The following CCSER2 variants were observed in gnomAD, a reference collection of about 807,000 sequenced individuals.
CCSER2 encodes the protein serine-rich coiled-coil domain-containing protein 2.
A neutral mutation model predicts 92.3 loss-of-function variants in CCSER2; 46 were observed. The ratio of observed to expected loss-of-function variants is 0.50; its 90% CI spans 0.39 to 0.64. The LOEUF is 0.64. Among genes scored for constraint, CCSER2 ranks in the 30% least tolerant of loss-of-function variants. The pLI is 0.00. For missense variants in CCSER2, 1,244 were observed against 1,238.9 expected, an observed-to-expected ratio of 1.00 and a Z score of -0.06; for synonymous variants, 433 against 431.4, an observed-to-expected ratio of 1.00 and a Z score of -0.04.
chr10:84,508,770 A>G (rs1849198569), intron 9 of CCSER2, among the ~76,000 whole-genome samples: 1 of 152,178 alleles, frequency 6.6e-6, no homozygotes. Flanking sequence ...GTTTATTATT[A>G]TATTGCTAAA....
In CCSER2 at chr10:84,418,960, G is replaced by A. The variant is rs143161279; in HGVS notation, c.1705+1099G>A. On this transcript the variant is annotated intron_variant, in intron 4 of 9. Coordinates refer to ENST00000372088, the MANE Select transcript of CCSER2 (RefSeq NM_001284240.2). ...TTCTCACGACAGCAGAAATGCAACA[G>A]GATGAGCAGAAACATGCATATTATG... is the stretch of plus-strand genomic sequence containing the variant. Among the ~76,000 whole-genome samples, 936 of 152,262 alleles carry A rather than the reference G, an allele frequency of 6.1e-3. 6 individuals carry two copies. The highest frequency in any genetic ancestry group is 0.021 in the African/African-American group (856 of 41,542).
At chr10:84,369,610 G>T (rs534713319) in intron 1 of CCSER2, among the ~76,000 whole-genome samples, 1 of 151,912 alleles carries the variant, frequency 6.6e-6, no homozygotes, top group African/African-American at 2.4e-5. Flanking sequence ...CCATTCTGTG[G>T]GTTGTCTGTT....
rs139434925 is a variant in CCSER2, at chr10:84,449,529, G to A, written c.2064+10822G>A. ...TAATAGCTCTTACTTCAGGACTGTT[G>A]TGAAGAATGCATGAGGCAATTCCCA... is the stretch of plus-strand genomic sequence containing the variant. On this transcript the variant is annotated intron_variant, in intron 6 of 9. Transcript: ENST00000372088. 2.6e-4 allele frequency among the ~76,000 whole-genome samples: 39 copies of A among 152,252 alleles called. 1 individual carries two copies. In the East Asian group the frequency reaches 6.4e-3, roughly 25 times the overall value.
chr10:84,338,487 G>A (rs1384770018), intron 1 of CCSER2, among the ~76,000 whole-genome samples: 1 of 151,464 alleles, frequency 6.6e-6, no homozygotes, highest in Admixed American at 6.6e-5. Flanking sequence ...TTTCAACAGA[G>A]AAAAAAAATG....
intron 9 of CCSER2, among the ~76,000 whole-genome samples, chr10:84,492,425 C>A (rs1480219197): frequency 2.0e-5 from 3 of 152,112 alleles, no homozygotes; most frequent in African/African-American, 7.2e-5. Context: ...TAAATAGTAA[C>A]AGTGTTCTCA....
intron 3 of CCSER2, among the ~76,000 whole-genome samples, chr10:84,403,605 A>G (rs1022537242): frequency 1.3e-5 from 2 of 152,186 alleles, no homozygotes; most frequent in Non-Finnish European, 2.9e-5. Flanking sequence ...CAGCAATTTA[A>G]TTAGAAAAGG....
intron 1 of CCSER2, among the ~76,000 whole-genome samples, chr10:84,368,565 G>C (rs1273711483): frequency 6.6e-6 from 1 of 151,976 alleles, no homozygotes; most frequent in East Asian, 1.9e-4. Context: ...CTTGGAATCA[G>C]TTGTTTTAAA....
chr10:84,491,598 A>G (rs553772063), intron 9 of CCSER2, among the ~76,000 whole-genome samples: 5 of 152,248 alleles, frequency 3.3e-5, no homozygotes, highest in East Asian at 3.9e-4. Flanking sequence ...AAAGTGCAGT[A>G]TTAGAGTGGG....
intron 7 of CCSER2, among the ~76,000 whole-genome samples, chr10:84,467,751 G>A (rs1208947977): frequency 2.0e-5 from 3 of 152,032 alleles, no homozygotes; most frequent in South Asian, 2.1e-4. Context: ...TGTTGGCGCA[G>A]CTATTCACCA....
intron 7 of CCSER2, among the ~76,000 whole-genome samples, chr10:84,465,279 G>C (rs1198045997): frequency 3.3e-5 from 3 of 92,252 alleles, no homozygotes; most frequent in South Asian, 6.0e-4. Context: ...GTGTGTGTGT[G>C]TGTGTGTGTG....
chr10:84,389,751 A>G (rs536373392), intron 3 of CCSER2: 3 of 153,918 alleles, frequency 1.9e-5, no homozygotes, highest in African/African-American at 7.2e-5. Context: ...CCGTGTTAGA[A>G]TCACACGTTG....
chr10:84,408,319 C>T (rs942205457), intron 3 of CCSER2, among the ~76,000 whole-genome samples: 2 of 151,954 alleles, frequency 1.3e-5, no homozygotes, highest in Non-Finnish European at 2.9e-5. Flanking sequence ...TTTTCTTCTC[C>T]CCCATTTTAC....
intron 3 of CCSER2, among the ~76,000 whole-genome samples, chr10:84,409,303 TAA>T (rs112262365): frequency 5.3e-5 from 8 of 150,684 alleles, no homozygotes; most frequent in Non-Finnish European, 8.9e-5. Flanking sequence ...TTTATTTATT[TAA>T]AAAAATTTTT....
intron 3 of CCSER2, chr10:84,389,312 C>T (rs2133250694): frequency 3.8e-6 from 2 of 522,844 alleles, no homozygotes; most frequent in South Asian, 2.8e-5. Context: ...AGATCAGTGC[C>T]ACATCTGTCG....
chr10:84,424,311 G>A (rs1589624576), intron 4 of CCSER2, among the ~76,000 whole-genome samples: 1 of 147,238 alleles, frequency 6.8e-6, no homozygotes, highest in Admixed American at 6.8e-5. Context: ...GTTTATTCCT[G>A]TAAGATGACA....
intron 3 of CCSER2, among the ~76,000 whole-genome samples, chr10:84,375,395 G>C (rs1846273155): frequency 6.6e-6 from 1 of 152,154 alleles, no homozygotes; most frequent in South Asian, 2.1e-4. Flanking sequence ...AGAAAGAATA[G>C]AGAGTTGATG....
chr10:84,440,822 G>A (rs1020870481), intron 6 of CCSER2, among the ~76,000 whole-genome samples: 1 of 152,144 alleles, frequency 6.6e-6, no homozygotes, highest in Non-Finnish European at 1.5e-5. Context: ...AAATAGTTTC[G>A]TTGTAATAGA....
At chr10:84,347,746 G>A (rs1284163473) in intron 1 of CCSER2, among the ~76,000 whole-genome samples, 95 of 151,868 alleles carry the variant, frequency 6.3e-4, no homozygotes, top group African/African-American at 2.2e-3. Context: ...CAGACGGGGC[G>A]GCTGCCGGGC....
At chr10:84,334,774 G>A (rs909098945) in intron 1 of CCSER2, among the ~76,000 whole-genome samples, 19 of 152,148 alleles carry the variant, frequency 1.2e-4, no homozygotes, top group African/African-American at 4.6e-4. Flanking sequence ...TACTTCATAT[G>A]TCTGTTTTTC....
Sources: gnomAD v4.1 joint callset for allele counts (sites outside exome capture counted in the v4.1 genomes callset) on GRCh38, gnomAD v4.1.1 for gene constraint, MANE v1.5 for transcripts, NCBI Gene and HGNC (gene_info 2026-07-23, HGNC 2026-07-21) for gene names.